Variants in UMAD1 observed in about 807,000 individuals in gnomAD.
UMAD1 encodes the protein UBAP1-MVB12-associated (UMA) domain containing 1.
UMAD1 carries 8 observed loss-of-function variants against 6.1 expected under a neutral mutation model. That is an observed-to-expected ratio of 1.30 (90% CI 0.76 to 2.35). The LOEUF (loss-of-function observed/expected upper bound fraction) is 2.35. Among genes scored for constraint, UMAD1 ranks in the 30% most tolerant of loss-of-function variants. UMAD1 has a pLI of 0.00. For synonymous variants in UMAD1, 56 were observed against 31.4 expected (o/e 1.78, Z -2.61); for missense variants, 130 against 78.4 (o/e 1.66, Z -2.49).
At chr7:7,846,920 G>A (rs529315397) in intron 3 of UMAD1, among the ~76,000 whole-genome samples, 2 of 116,578 alleles carry the variant, frequency 1.7e-5, no homozygotes, top group Non-Finnish European at 3.4e-5. Context: ...GTCGGGGGAG[G>A]GGGTAGGGAT....
intron 2 of UMAD1, among the ~76,000 whole-genome samples, chr7:7,673,964 T>C (rs1349226464): frequency 1.3e-5 from 2 of 152,228 alleles, no homozygotes; most frequent in East Asian, 3.8e-4. Flanking sequence ...TTAAAAAATA[T>C]TTCTTACAAT....
intron 2 of UMAD1, among the ~76,000 whole-genome samples, chr7:7,740,266 A>T (rs529596183): frequency 6.6e-6 from 1 of 152,362 alleles, no homozygotes; most frequent in East Asian, 1.9e-4. Flanking sequence ...CCAAACCTAT[A>T]AAATGTTTAC....
intron 1 of UMAD1, among the ~76,000 whole-genome samples, chr7:7,669,756 G>A (rs750571431): frequency 3.3e-5 from 5 of 152,108 alleles, no homozygotes; most frequent in Non-Finnish European, 7.4e-5. Context: ...TAGACACGAG[G>A]GTGACTGATG....
At chr7:7,756,186 T>C (rs938306182) in intron 2 of UMAD1, among the ~76,000 whole-genome samples, 13 of 152,178 alleles carry the variant, frequency 8.5e-5, no homozygotes, top group African/African-American at 3.1e-4. Flanking sequence ...GATAGCCTTT[T>C]CTGTGGAAGA....
At chr7:7,876,462 C>T (rs1338666427) in intron 3 of UMAD1, among the ~76,000 whole-genome samples, 1 of 152,106 alleles carries the variant, frequency 6.6e-6, no homozygotes, top group African/African-American at 2.4e-5. Flanking sequence ...AGTTAGGTTC[C>T]AGGTGCTTGT....
intron 2 of UMAD1, among the ~76,000 whole-genome samples, chr7:7,674,999 T>C (rs917060379): frequency 7.9e-5 from 12 of 152,076 alleles, no homozygotes; most frequent in African/African-American, 2.9e-4. Context: ...CTGTTGTTTT[T>C]ATTATATATG....
At chr7:7,700,610 G>A (rs546602661) in intron 2 of UMAD1, among the ~76,000 whole-genome samples, 3 of 152,232 alleles carry the variant, frequency 2.0e-5, no homozygotes, top group East Asian at 3.9e-4. Flanking sequence ...CCAAAGGGCC[G>A]GGCGCGGTGG....
chr7:7,688,220 A>G (rs566562814), intron 2 of UMAD1, among the ~76,000 whole-genome samples: 28 of 152,188 alleles, frequency 1.8e-4, no homozygotes, highest in African/African-American at 3.1e-4. Context: ...ACTTTTTTAG[A>G]TGTTGCTTTG....
At chr7:7,838,683 A>G in intron 3 of UMAD1, among the ~76,000 whole-genome samples, 1 of 152,216 alleles carries the variant, frequency 6.6e-6, no homozygotes, top group African/African-American at 2.4e-5. Flanking sequence ...GAAGCTAGAA[A>G]CAACACAAAT....
chr7:7,649,158 C>CAAAAAAAAAAAAAAAAAAAAAAA (rs34943326), intron 1 of UMAD1, among the ~76,000 whole-genome samples: 15 of 128,866 alleles, frequency 1.2e-4, no homozygotes, highest in South Asian at 2.4e-4. Context: ...GACTCCATCT[C>CAAAAAAAAAAAAAAAAAAAAAAA]AAAAAAAAAA....
intron 3 of UMAD1, among the ~76,000 whole-genome samples, chr7:7,837,695 A>T (rs1009702922): frequency 6.9e-6 from 1 of 144,732 alleles, no homozygotes. Flanking sequence ...GACGAAGCAT[A>T]ACAAGATGAT....
chr7:7,674,163 C>A (rs1779682021), intron 2 of UMAD1, among the ~76,000 whole-genome samples: 3 of 152,174 alleles, frequency 2.0e-5, no homozygotes, highest in Non-Finnish European at 4.4e-5. Flanking sequence ...CTTTTCCATG[C>A]TGGACCTCCT....
intron 2 of UMAD1, among the ~76,000 whole-genome samples, chr7:7,680,655 T>G (rs1207995462): frequency 6.6e-6 from 1 of 151,930 alleles, no homozygotes; most frequent in Non-Finnish European, 1.5e-5. Flanking sequence ...ACAATACTGA[T>G]TCTTCCAATC....
chr7:7,855,153 T>C (rs1783991983), intron 3 of UMAD1, among the ~76,000 whole-genome samples: 1 of 152,252 alleles, frequency 6.6e-6, no homozygotes, highest in Non-Finnish European at 1.5e-5. Context: ...GCATTGAGTG[T>C]CTGCAGCTTT....
intron 2 of UMAD1, among the ~76,000 whole-genome samples, chr7:7,787,509 GATAA>G (rs778104526): frequency 1.3e-5 from 2 of 152,148 alleles, no homozygotes; most frequent in African/African-American, 2.4e-5. Context: ...AATACAATAT[GATAA>G]ATAAAATTAC....
rs1171038648 is a variant in UMAD1, at chr7:7,780,696, A to T, written c.83-20974A>T. Reference sequence around the variant, plus strand: ...AGATTGTTTTACATATATGAAATGTATGTAAATAGAATCATATAGTGTGTA... The same window carrying T: ...AGATTGTTTTACATATATGAAATGTTTGTAAATAGAATCATATAGTGTGTA... On this transcript the variant is annotated intron_variant, in intron 2 of 3. Transcript: ENST00000682710. Among the ~76,000 whole-genome samples, 3 of 152,334 alleles carry T rather than the reference A, an allele frequency of 2.0e-5. No individual in the cohort carries two copies. The East Asian group carries it at 5.8e-4, about 29-fold the overall frequency.
chr7:7,769,103 G>A (rs1466572520), intron 2 of UMAD1, among the ~76,000 whole-genome samples: 1 of 152,106 alleles, frequency 6.6e-6, no homozygotes, highest in Non-Finnish European at 1.5e-5. Context: ...CATCTGTCCA[G>A]AAATTTAGCT....
intron 3 of UMAD1, among the ~76,000 whole-genome samples, chr7:7,827,273 A>G (rs367613932): frequency 1.3e-5 from 2 of 151,960 alleles, no homozygotes; most frequent in African/African-American, 4.8e-5. Context: ...ACTAAATTCT[A>G]TAGGAAAAAT....
intron 1 of UMAD1, among the ~76,000 whole-genome samples, chr7:7,667,378 C>A (rs570042160): frequency 1.9e-4 from 29 of 152,290 alleles, no homozygotes; most frequent in African/African-American, 7.0e-4. Context: ...CTGTCAAGGC[C>A]ATGCATATCA....
Sources: gnomAD v4.1 joint callset for allele counts (sites outside exome capture counted in the v4.1 genomes callset) on GRCh38, gnomAD v4.1.1 for gene constraint, MANE v1.5 for transcripts, NCBI Gene and HGNC (gene_info 2026-07-23, HGNC 2026-07-21) for gene names.